TENM4: variants seen among roughly 807,000 people sequenced by gnomAD.
The protein encoded by TENM4 is teneurin-4.
A neutral mutation model predicts 243.3 loss-of-function variants in TENM4; 82 were observed. That is an observed-to-expected ratio of 0.34 (90% confidence interval 0.28 to 0.40). The LOEUF is 0.40. TENM4 is among the 10% of genes least tolerant of loss of function. The pLI is 1.00. For synonymous variants in TENM4, 1,412 were observed against 1,456.3 expected, an observed-to-expected ratio of 0.97 and a Z score of 0.69; for missense variants, 3,138 against 3,673.3, an observed-to-expected ratio of 0.85 and a Z score of 3.77.
At chr11:79,216,468 C>T (rs1864052865) in intron 2 of TENM4, among the ~76,000 whole-genome samples, 1 of 152,248 alleles carries the variant, frequency 6.6e-6, no homozygotes, top group Non-Finnish European at 1.5e-5. Context: ...ATCTTACTCT[C>T]TTGCTGCTAT....
intron 6 of TENM4, among the ~76,000 whole-genome samples, chr11:79,005,987 A>C (rs1005081525): frequency 2.6e-5 from 4 of 152,226 alleles, no homozygotes; most frequent in Non-Finnish European, 5.9e-5. Context: ...AAAAAGTCTG[A>C]AATCACACAA....
intron 4 of TENM4, among the ~76,000 whole-genome samples, chr11:79,119,140 C>T (rs1050223526): frequency 2.0e-5 from 3 of 152,104 alleles, no homozygotes; most frequent in Non-Finnish European, 2.9e-5. Flanking sequence ...TAGCAGTTCC[C>T]AAAGCCAGGG....
At chr11:78,674,804 G>C (rs969049404) in intron 30 of TENM4, among the ~76,000 whole-genome samples, 2 of 152,072 alleles carry the variant, frequency 1.3e-5, no homozygotes, top group African/African-American at 4.8e-5. Flanking sequence ...TGGTTTTCTG[G>C]GTTCCAGTTG....
intron 2 of TENM4, among the ~76,000 whole-genome samples, chr11:79,282,166 A>T (rs1856168235): frequency 6.6e-6 from 1 of 152,160 alleles, no homozygotes; most frequent in Admixed American, 6.5e-5. Context: ...AAAGTACTGA[A>T]AAGGATGTAA....
intron 3 of TENM4, among the ~76,000 whole-genome samples, chr11:79,159,199 T>C (rs1018460914): frequency 6.6e-6 from 1 of 152,084 alleles, no homozygotes; most frequent in Non-Finnish European, 1.5e-5. Flanking sequence ...CTTTGTTGAG[T>C]CAACATCGCT....
At chr11:79,385,123 A>T (rs1381825128) in intron 1 of TENM4, among the ~76,000 whole-genome samples, 1 of 152,210 alleles carries the variant, frequency 6.6e-6, no homozygotes, top group African/African-American at 2.4e-5. Context: ...ATGAGAGTGA[A>T]TTAACTCTCT....
intron 13 of TENM4, 34 bp from the exon 14 acceptor site, chr11:78,812,350 A>G (rs1857518384): frequency 6.5e-7 from 1 of 1,542,984 alleles, no homozygotes; most frequent in African/African-American, 1.4e-5. Flanking sequence ...GGCATGAATC[A>G]ATGTCCAGCA....
At chr11:78,776,264 T>C (rs1192153511) in intron 17 of TENM4, among the ~76,000 whole-genome samples, 1 of 152,174 alleles carries the variant, frequency 6.6e-6, no homozygotes, top group African/African-American at 2.4e-5. Flanking sequence ...TATACCCTCA[T>C]GTTAAATTCC....
intron 6 of TENM4, among the ~76,000 whole-genome samples, chr11:79,047,914 TTAAA>T (rs10590531): frequency 0.047 from 7,086 of 152,274 alleles, 320 homozygotes; most frequent in African/African-American, 0.11. Context: ...ATGATAATTA[TTAAA>T]TAAATAATTA....
chr11:79,329,215 T>A (rs1857022204), intron 1 of TENM4, among the ~76,000 whole-genome samples: 1 of 152,214 alleles, frequency 6.6e-6, no homozygotes, highest in African/African-American at 2.4e-5. Flanking sequence ...CGTCTCCAGA[T>A]CTGGTGCTAC....
intron 1 of TENM4, among the ~76,000 whole-genome samples, chr11:79,394,738 T>C (rs578222): frequency 0.46 from 69,568 of 152,076 alleles, 15,837 homozygotes; most frequent in African/African-American, 0.47. Flanking sequence ...TGGAATAGGG[T>C]AGGCCCTTCA....
intron 4 of TENM4, among the ~76,000 whole-genome samples, chr11:79,113,226 T>A (rs188850812): frequency 1.5e-4 from 23 of 151,202 alleles, no homozygotes; most frequent in Admixed American, 1.2e-3. Flanking sequence ...TGGACTTCAT[T>A]CAGGAAAGGG....
At chr11:78,877,602 C>G (rs1264864814) in intron 9 of TENM4, among the ~76,000 whole-genome samples, 1 of 152,200 alleles carries the variant, frequency 6.6e-6, no homozygotes, top group Non-Finnish European at 1.5e-5. Context: ...GTTGGGGGTC[C>G]TTCCTGACCA....
At position 78,924,901 on chromosome 11, in the gene TENM4, C is replaced by T. The variant is rs115928789; in HGVS notation, c.494-21378G>A. Among the ~76,000 whole-genome samples, 283 of 152,308 alleles carry T rather than the reference C, an allele frequency of 1.9e-3. 2 individuals are homozygous for T. Among genetic ancestry groups the T allele is most frequent in the African/African-American group, 6.4e-3 (264 of 41,560 alleles). ...GCAGTAAGTTGGTCAGTTGCCCTCT[C>T]GGAAATCTGGACATTCCCTGGTCAC... is the stretch of plus-strand genomic sequence containing the variant. On this transcript the variant is annotated intron_variant, in intron 6 of 33. Transcript: ENST00000278550.
At chr11:78,745,026 AT>A (rs1329939642) in intron 19 of TENM4, among the ~76,000 whole-genome samples, 2 of 152,142 alleles carry the variant, frequency 1.3e-5, no homozygotes, top group African/African-American at 4.8e-5. Flanking sequence ...ATTATCTTCC[AT>A]TTGTATTTAC....
intron 2 of TENM4, among the ~76,000 whole-genome samples, chr11:79,297,124 C>G (rs921426104): frequency 5.3e-5 from 8 of 152,170 alleles, no homozygotes; most frequent in Non-Finnish European, 1.2e-4. Context: ...TCTTGACGTA[C>G]CAAACAGTTG....
chr11:78,888,449 T>A (rs78852774), intron 9 of TENM4, among the ~76,000 whole-genome samples: 1 of 152,206 alleles, frequency 6.6e-6, no homozygotes, highest in Non-Finnish European at 1.5e-5. Flanking sequence ...CAGCTTGAGA[T>A]ATTGAAGGGG....
At chr11:79,207,725 G>T (rs895214352) in intron 3 of TENM4, among the ~76,000 whole-genome samples, 1 of 151,922 alleles carries the variant, frequency 6.6e-6, no homozygotes, top group Non-Finnish European at 1.5e-5. Context: ...AATTAGCCAG[G>T]TATGGTGGCA....
rs143467387 is a variant in TENM4, at chr11:78,914,286, A to G, written c.494-10763T>C. 6.6e-3 allele frequency among the ~76,000 whole-genome samples: 1,010 copies of G among 152,254 alleles called. 11 individuals carry two copies. The highest frequency in any genetic ancestry group is 0.023 in the African/African-American group (960 of 41,550). On this transcript the variant is annotated intron_variant, in intron 6 of 33. Transcript: ENST00000278550. The stretch of plus-strand genomic sequence containing the variant: ...CCTCTTGGCTTCCCTTGTTCCTCTC[A>G]GGGAATTTCTTGGAAAGAAGGAAAT...
Sources: allele counts gnomAD v4.1 joint callset (sites outside exome capture counted in the v4.1 genomes callset), GRCh38; gene constraint gnomAD v4.1.1; transcripts MANE v1.5; gene names NCBI Gene and HGNC (gene_info 2026-07-23, HGNC 2026-07-21).